The following TMEM232 variants were observed in gnomAD, a reference collection of about 807,000 sequenced individuals.
TMEM232 encodes transmembrane protein 232.
In TMEM232, 80 loss-of-function variants were observed where a neutral mutation model predicts 78.8. That is an observed-to-expected ratio of 1.01 (90% confidence interval 0.85 to 1.22). The LOEUF is 1.22. TMEM232 is among the 50% of genes most tolerant of loss of function. The probability of loss-of-function intolerance (pLI) is 0.00; values close to 1 mark genes in which losing one functional copy is unlikely to be tolerated. For synonymous variants in TMEM232, 297 were observed against 254.3 expected (o/e 1.17, Z -1.60); for missense variants, 881 against 742.2 (o/e 1.19, Z -2.17).
chr5:110,536,767 G>A (rs1403452879), intron 11 of TMEM232, among the ~76,000 whole-genome samples: 1 of 152,204 alleles, frequency 6.6e-6, no homozygotes. Flanking sequence ...AAGTCAGAGG[G>A]TCTGGGAATG....
At chr5:110,462,675 C>G (rs920418705) in intron 12 of TMEM232, among the ~76,000 whole-genome samples, 3 of 152,162 alleles carry the variant, frequency 2.0e-5, no homozygotes, top group Non-Finnish European at 4.4e-5. Context: ...AGCTTGCAGA[C>G]AGCCTATTGT....
chr5:110,441,614 T>C (rs1216881687), intron 12 of TMEM232, among the ~76,000 whole-genome samples: 1 of 152,182 alleles, frequency 6.6e-6, no homozygotes, highest in Non-Finnish European at 1.5e-5. Flanking sequence ...GATGATGATA[T>C]AGCGTTTCTA....
chr5:110,532,627 T>C (rs1471128796), intron 11 of TMEM232, among the ~76,000 whole-genome samples: 1 of 152,070 alleles, frequency 6.6e-6, no homozygotes, highest in East Asian at 1.9e-4. Flanking sequence ...AACTAAATTA[T>C]CTGCTTCCCT....
intron 11 of TMEM232, among the ~76,000 whole-genome samples, chr5:110,566,239 A>T (rs116770207): frequency 0.028 from 4,246 of 152,066 alleles, 163 homozygotes; most frequent in African/African-American, 0.086. Context: ...ACATTTAAAA[A>T]ATTATTCCCA....
chr5:110,607,858 A>T (rs1349580330), intron 8 of TMEM232, among the ~76,000 whole-genome samples: 2 of 151,902 alleles, frequency 1.3e-5, no homozygotes, highest in Non-Finnish European at 2.9e-5. Flanking sequence ...TGATACCATA[A>T]GGCACAGCAG....
At chr5:110,543,826 T>A (rs1773456284) in intron 11 of TMEM232, among the ~76,000 whole-genome samples, 1 of 152,298 alleles carries the variant, frequency 6.6e-6, no homozygotes, top group East Asian at 1.9e-4. Context: ...AACTTTTACA[T>A]TAGCAAATGT....
At chr5:110,730,695 A>G (rs977208603), upstream of TMEM232, among the ~76,000 whole-genome samples, 4 of 152,210 alleles carry the variant, frequency 2.6e-5, no homozygotes, top group African/African-American at 9.6e-5. Context: ...CTTATTCACC[A>G]TCACGAGAAT....
intron 11 of TMEM232, among the ~76,000 whole-genome samples, chr5:110,565,499 G>T (rs56307920): frequency 6.6e-6 from 1 of 151,824 alleles, no homozygotes; most frequent in Non-Finnish European, 1.5e-5. Context: ...ACTTACTATC[G>T]CTGTCTGTGA....
At chr5:110,716,133 C>T (rs958027748) in intron 1 of TMEM232, among the ~76,000 whole-genome samples, 2 of 152,056 alleles carry the variant, frequency 1.3e-5, no homozygotes, top group Non-Finnish European at 2.9e-5. Flanking sequence ...CCACCTTGGG[C>T]ACATATTCTT....
intron 12 of TMEM232, among the ~76,000 whole-genome samples, chr5:110,431,627 A>G (rs1704937950): frequency 7.7e-6 from 1 of 130,032 alleles, no homozygotes; most frequent in East Asian, 2.3e-4. Flanking sequence ...TAAAATAACT[A>G]TGATAAGTAT....
At chr5:110,481,893 A>C (rs2149397344) in intron 12 of TMEM232, among the ~76,000 whole-genome samples, 1 of 152,304 alleles carries the variant, frequency 6.6e-6, no homozygotes, top group African/African-American at 2.4e-5. Flanking sequence ...GCTAATAAGA[A>C]TAGGCTCTCA....
At chr5:110,409,797 C>T (rs34808518) in intron 2 of TMEM232, among the ~76,000 whole-genome samples, 13,539 of 151,994 alleles carry the variant, frequency 0.089, 771 homozygotes, top group South Asian at 0.17. Flanking sequence ...TGCACATTGT[C>T]ACTCATAGAG....
intron 2 of TMEM232, among the ~76,000 whole-genome samples, chr5:110,653,015 T>C (rs1275509588): frequency 6.6e-6 from 1 of 152,216 alleles, no homozygotes; most frequent in Non-Finnish European, 1.5e-5. Flanking sequence ...AATGTGAATA[T>C]CTGTGAACTT....
At chr5:110,621,664 G>T (rs1035871478) in intron 7 of TMEM232, among the ~76,000 whole-genome samples, 2 of 151,970 alleles carry the variant, frequency 1.3e-5, no homozygotes, top group Non-Finnish European at 2.9e-5. Flanking sequence ...GACACCCAGA[G>T]AACTTTTTTC....
intron 10 of TMEM232, among the ~76,000 whole-genome samples, chr5:110,589,011 A>T (rs1779182294): frequency 6.6e-6 from 1 of 152,104 alleles, no homozygotes; most frequent in Non-Finnish European, 1.5e-5. Context: ...GCAGGCTTTT[A>T]AAAAAATCTA....
At chr5:110,692,357 A>G (rs1408749148) in intron 1 of TMEM232, among the ~76,000 whole-genome samples, 1 of 152,242 alleles carries the variant, frequency 6.6e-6, no homozygotes, top group African/African-American at 2.4e-5. Context: ...GCTCCAGTCT[A>G]CAGCTCCCAA....
chr5:110,615,994 C>G (rs753720267), intron 8 of TMEM232, among the ~76,000 whole-genome samples: 31 of 151,970 alleles, frequency 2.0e-4, no homozygotes, highest in Non-Finnish European at 4.0e-4. Flanking sequence ...AATGTCCATA[C>G]TACCCAAAGT....
chr5:110,700,689 AG>A (rs1267709495), intron 1 of TMEM232, among the ~76,000 whole-genome samples: 2 of 151,956 alleles, frequency 1.3e-5, no homozygotes, highest in African/African-American at 4.8e-5. Context: ...GGAAATAAAG[AG>A]GGCCTTTCCC....
intron 12 of TMEM232, among the ~76,000 whole-genome samples, chr5:110,446,449 A>C (rs1046110589): frequency 3.3e-5 from 5 of 152,304 alleles, no homozygotes; most frequent in African/African-American, 1.2e-4. Flanking sequence ...GCGATTATGA[A>C]AGATTGGAAG....
Sources: allele counts gnomAD v4.1 joint callset (sites outside exome capture counted in the v4.1 genomes callset), GRCh38; gene constraint gnomAD v4.1.1; transcripts MANE v1.5; gene names NCBI Gene and HGNC (gene_info 2026-07-23, HGNC 2026-07-21).